MCC: variants seen among roughly 807,000 people sequenced by gnomAD.
MCC encodes the protein colorectal mutant cancer protein.
Under a neutral mutation model 116.2 loss-of-function variants are expected in MCC, and 90 were observed. The observed-to-expected ratio is 0.77, with a 90% CI of 0.65 to 0.92. The LOEUF is 0.92. Among genes scored for constraint, MCC ranks in the 40% least tolerant of loss-of-function variants. The pLI is 0.00. For missense variants in MCC, 1,516 were observed against 1,312.2 expected, an observed-to-expected ratio of 1.16 and a Z score of -2.40; for synonymous variants, 578 against 510.5, an observed-to-expected ratio of 1.13 and a Z score of -1.78.
intron 1 of MCC, among the ~76,000 whole-genome samples, chr5:113,444,036 G>C (rs1226690472): frequency 2.2e-5 from 3 of 139,292 alleles, no homozygotes; most frequent in Non-Finnish European, 4.6e-5. Flanking sequence ...GTAGAGATGG[G>C]GTTTCGCCAA....
intron 3 of MCC, among the ~76,000 whole-genome samples, chr5:113,329,323 G>A (rs1767638926): frequency 2.0e-5 from 3 of 152,076 alleles, no homozygotes; most frequent in Non-Finnish European, 4.4e-5. Flanking sequence ...TGAATTGGAA[G>A]AAGAGCATCT....
chr5:113,367,870 G>T (rs1423964264), intron 2 of MCC, among the ~76,000 whole-genome samples: 3 of 152,088 alleles, frequency 2.0e-5, no homozygotes, highest in African/African-American at 7.2e-5. Context: ...TAAATCAATT[G>T]TCCAACATTC....
At chr5:113,061,276 G>C (rs939310074) in intron 14 of MCC, among the ~76,000 whole-genome samples, 12 of 152,218 alleles carry the variant, frequency 7.9e-5, no homozygotes, top group Non-Finnish European at 1.5e-4. Flanking sequence ...CAGTCTCTGA[G>C]AGTACAGACT....
At chr5:113,155,857 G>A (rs979520924) in intron 3 of MCC, among the ~76,000 whole-genome samples, 3 of 152,312 alleles carry the variant, frequency 2.0e-5, no homozygotes, top group Middle Eastern at 3.4e-3. Flanking sequence ...TCTGCTCAGC[G>A]AAAATATTCC....
chr5:113,241,079 T>C (rs547963584), intron 3 of MCC, among the ~76,000 whole-genome samples: 4 of 152,322 alleles, frequency 2.6e-5, no homozygotes, highest in African/African-American at 7.2e-5. Flanking sequence ...TTATAGGTCA[T>C]TTAGAAATAG....
Position 113,143,353 on chromosome 5 carries a change from T to C in MCC, c.749A>G (p.Gln250Arg), listed in dbSNP as rs762698185. The change falls in exon 5 of 19, where the codon CAG becomes CGG. Residue 250 changes from glutamine to arginine, a missense_variant. Gln to Arg is a conservative substitution (Grantham distance 43, BLOSUM62 1). Coordinates refer to ENST00000408903, the MANE Select transcript of MCC (RefSeq NM_001085377.2). ...EKKLAKAQCE[Q>R]SHLMREHEDV... ...CTCATGCTCTCTCATGAGGTGGGAC[T>C]GCTCGCACTGGGAATAAGGGAAAAG... is the stretch of plus-strand genomic sequence containing the variant. 5 of 1,613,652 alleles carry C rather than the reference T, an allele frequency of 3.1e-6. No individual in the cohort carries two copies. The African/African-American group carries it at 5.3e-5, about 17-fold the overall frequency.
At chr5:113,088,810 T>C (rs185732619) in intron 8 of MCC, among the ~76,000 whole-genome samples, 87 of 152,294 alleles carry the variant, frequency 5.7e-4, no homozygotes, top group African/African-American at 1.0e-3. Flanking sequence ...TCCTTCTTCA[T>C]TGAAGACTTA....
chr5:113,137,138 C>T (rs1480445386), intron 5 of MCC, among the ~76,000 whole-genome samples: 2 of 152,104 alleles, frequency 1.3e-5, no homozygotes, highest in Non-Finnish European at 1.5e-5. Flanking sequence ...CCTCAGAAAA[C>T]TTATAATCAT....
intron 1 of MCC, among the ~76,000 whole-genome samples, chr5:113,426,820 T>C (rs1281732803): frequency 2.0e-5 from 3 of 152,208 alleles, no homozygotes; most frequent in Admixed American, 1.3e-4. Context: ...CTAAAACTTC[T>C]AGTCTTTCTA....
intron 3 of MCC, among the ~76,000 whole-genome samples, chr5:113,208,852 G>C (rs1178377266): frequency 6.6e-6 from 1 of 152,146 alleles, no homozygotes; most frequent in East Asian, 1.9e-4. Flanking sequence ...CAAAAACATA[G>C]ATGTAGATTT....
At chr5:113,419,365 C>CT (rs144386805) in intron 1 of MCC, among the ~76,000 whole-genome samples, 27,322 of 147,400 alleles carry the variant, frequency 0.19, 2,958 homozygotes, top group Admixed American at 0.31. Context: ...TTCTTTTTTT[C>CT]TTTTTTTTTT....
At chr5:113,185,792 A>C (rs1181508549) in intron 3 of MCC, among the ~76,000 whole-genome samples, 1 of 152,210 alleles carries the variant, frequency 6.6e-6, no homozygotes. Flanking sequence ...ATTCTAGTTC[A>C]CACTAAATTC....
chr5:113,036,226 C>CA (rs1561738614), intron 17 of MCC, among the ~76,000 whole-genome samples: 1 of 151,906 alleles, frequency 6.6e-6, no homozygotes, highest in Non-Finnish European at 1.5e-5. Context: ...TTAGTAGGGA[C>CA]AGGGTTTCAC....
intron 12 of MCC, 33 bp downstream of exon 12, chr5:113,071,060 TG>T: frequency 6.2e-7 from 1 of 1,600,356 alleles, no homozygotes; most frequent in Non-Finnish European, 8.5e-7. Context: ...ACTTCTACCC[TG>T]AAGTAGCTCC....
intron 3 of MCC, among the ~76,000 whole-genome samples, chr5:113,243,363 G>T (rs887088597): frequency 3.9e-5 from 6 of 152,122 alleles, no homozygotes; most frequent in South Asian, 4.1e-4. Context: ...GATACTACTT[G>T]TGAGTATCCT....
chr5:113,101,394 TTC>T, intron 8 of MCC: 1 of 197,688 alleles, frequency 5.1e-6, no homozygotes. Flanking sequence ...ATTTTTTTTT[TTC>T]AAATTCTAAA....
chr5:113,100,790 G>A (rs1756358612), intron 8 of MCC, among the ~76,000 whole-genome samples: 3 of 152,044 alleles, frequency 2.0e-5, no homozygotes, highest in Admixed American at 2.0e-4. Flanking sequence ...CCCCTTCTAA[G>A]TCAACTTTAT....
At chr5:113,054,613 A>G (rs919604671) in intron 14 of MCC, among the ~76,000 whole-genome samples, 5 of 152,168 alleles carry the variant, frequency 3.3e-5, no homozygotes, top group African/African-American at 1.2e-4. Context: ...TGCAACATGT[A>G]CCATGAAAAA....
At chr5:113,476,963 A>C (rs943308220) in intron 1 of MCC, among the ~76,000 whole-genome samples, 1 of 152,232 alleles carries the variant, frequency 6.6e-6, no homozygotes, top group African/African-American at 2.4e-5. Flanking sequence ...AGCCGCATTG[A>C]GTAGTGGTCA....
Sources: allele counts gnomAD v4.1 joint callset (sites outside exome capture counted in the v4.1 genomes callset), GRCh38; gene constraint gnomAD v4.1.1; transcripts MANE v1.5; gene names NCBI Gene and HGNC (gene_info 2026-07-23, HGNC 2026-07-21).